DNAJB12: variants seen among roughly 807,000 people sequenced by gnomAD.
DNAJB12 encodes DnaJ heat shock protein family (Hsp40) member B12, also known as dnaJ homolog subfamily B member 12.
DNAJB12 carries 14 observed loss-of-function variants against 40.6 expected under a neutral mutation model. The observed-to-expected ratio is 0.34, with a 90% CI of 0.23 to 0.54. The LOEUF (loss-of-function observed/expected upper bound fraction) is 0.54, where lower values mean the gene tolerates loss of function less well. Among genes scored for constraint, DNAJB12 ranks in the 20% least tolerant of loss-of-function variants. The pLI is 0.92. For synonymous variants in DNAJB12, 181 were observed against 199.5 expected (o/e 0.91, Z 0.78); for missense variants, 444 against 501.7 (o/e 0.89, Z 1.10).
In DNAJB12 at chr10:72,335,441, C is replaced by A; in HGVS notation, c.*30+339G>T. The A allele has an allele frequency of 2.8e-6, 3 of 1,085,010 alleles. No homozygotes were observed. The highest frequency in any genetic ancestry group is 3.4e-6 in the Non-Finnish European group (3 of 887,526). The allele number at this position is 1,085,010 out of a possible 1,614,324, so 67.2% of individuals were successfully genotyped here. A position where few individuals can be genotyped will look rare whatever the true frequency, so the allele number is the denominator to read the frequency against. On this transcript the variant is annotated intron_variant, in intron 8 of 8. Transcript: ENST00000444643. The surrounding 1 kb of genome is among the most constrained non-coding windows in gnomAD (Gnocchi z 4.4). Reference sequence around the variant, plus strand: ...TAGTCTGCTGTGCTGGAGAAAGGGCCGTGCTGACTGATGGCTGGAGTGGAC... The same window carrying A: ...TAGTCTGCTGTGCTGGAGAAAGGGCAGTGCTGACTGATGGCTGGAGTGGAC...
intron 7 of DNAJB12, 120 bp from the exon 8 acceptor site, chr10:72,336,051 T>C (rs1861466152): frequency 7.8e-7 from 1 of 1,280,296 alleles, no homozygotes; most frequent in Admixed American, 2.0e-5. Flanking sequence ...TGGGCAGGGC[T>C]GGCCTCCCAT....
At position 72,340,831 on chromosome 10, in the gene DNAJB12, A is replaced by G. The variant is rs1229200776; in HGVS notation, c.681T>C (p.Tyr227=). Residue 227 remains tyrosine (Y), a synonymous_variant, in exon 5 of 9, where the codon TAT becomes TAC. Coordinates refer to ENST00000444643, the MANE Select transcript of DNAJB12 (RefSeq NM_017626.7). ...TGCGGTCCTGCCTTTGCTGGTAGGT[A>G]TAGCGCATGCGGCCGTTGCTGTAGA... is the stretch of plus-strand genomic sequence containing the variant. ...VHVYSNGRMR[Y]TYQQRQDRRD... is the part of the protein sequence containing the mutation. The G allele has an allele frequency of 3.1e-6, 5 of 1,614,140 alleles. No homozygotes were observed. The East Asian group carries it at 1.1e-4, about 36-fold the overall frequency.
Position 72,335,600 on chromosome 10 carries a change from G to C in DNAJB12, c.*30+180C>G. On this transcript the variant is annotated intron_variant, in intron 8 of 8. Coordinates refer to ENST00000444643, the MANE Select transcript of DNAJB12 (RefSeq NM_017626.7). This position sits in a 1 kb window ranked among gnomAD's most constrained non-coding sequence, Gnocchi z 4.4. ...ACAGCATCGCTAGAGGGCGGAAACC[G>C]ACCTTGGTTTCCCAGCAGGCCCCAC... 7.2e-7 allele frequency: 1 copy of C among 1,388,356 alleles called. No individual in the cohort carries two copies. Among genetic ancestry groups the C allele is most frequent in the Admixed American group, 3.1e-5 (1 of 32,582 alleles). 86.0% of individuals were successfully genotyped at this position (1,388,356 alleles called of 1,614,324 possible). A position where few individuals can be genotyped will look rare whatever the true frequency, so the allele number is the denominator to read the frequency against.
At chr10:72,341,300 C>A (rs1861633702) in intron 3 of DNAJB12, 130 bp from the exon 4 acceptor site, 10 of 887,326 alleles carry the variant, frequency 1.1e-5, no homozygotes, top group African/African-American at 3.4e-5. Flanking sequence ...TTGGGGTGGG[C>A]AGGAAGCTTG....
chr10:72,340,657 T>C (rs922692602), intron 5 of DNAJB12, 132 bp downstream of exon 5: 1 of 912,006 alleles, frequency 1.1e-6, no homozygotes, highest in Non-Finnish European at 1.7e-6. Flanking sequence ...AGAGGGCTCC[T>C]TGGCTGAGAG....
At chr10:72,339,420 GCTAC>G (rs1861568394) in intron 5 of DNAJB12, among the ~76,000 whole-genome samples, 1 of 151,928 alleles carries the variant, frequency 6.6e-6, no homozygotes, top group Non-Finnish European at 1.5e-5. Flanking sequence ...TGTACTCCCA[GCTAC>G]GTAGGAGCCT....
Position 72,335,254 on chromosome 10 carries a change from C to T in DNAJB12, c.*30+526G>A, listed in dbSNP as rs150412257. On this transcript the variant is annotated intron_variant, in intron 8 of 8. Transcript: ENST00000444643. The surrounding 1 kb of genome is among the most constrained non-coding windows in gnomAD (Gnocchi z 4.4). Reference sequence around the variant, plus strand: ...CCCACCCACCTCGTGGCTGCCTGTTCATCTTGCTCCATTTCCTCCTAGCTG... The same window carrying T: ...CCCACCCACCTCGTGGCTGCCTGTTTATCTTGCTCCATTTCCTCCTAGCTG... 9 of 986,812 alleles carry T rather than the reference C, an allele frequency of 9.1e-6. No homozygotes were observed. In the African/African-American group the frequency reaches 1.6e-4, roughly 17 times the overall value. 61.1% of individuals were successfully genotyped at this position (986,812 alleles called of 1,614,324 possible). A position where few individuals can be genotyped will look rare whatever the true frequency, so the allele number is the denominator to read the frequency against.
intron 1 of DNAJB12, chr10:72,354,529 C>T: frequency 1.9e-6 from 1 of 513,408 alleles, no homozygotes; most frequent in Non-Finnish European, 3.4e-6. Context: ...CCCCAGCGGG[C>T]TCCGCCAGCA....
At position 72,345,193 on chromosome 10, in the gene DNAJB12, C is replaced by T. The variant is rs1861753242; in HGVS notation, c.134-66G>A. On this transcript the variant is annotated intron_variant, in intron 1 of 8. Coordinates refer to ENST00000444643, the MANE Select transcript of DNAJB12 (RefSeq NM_017626.7). ...CAGGCTGCGTGCCTCGCCGAGCGGC[C>T]CGCTGCTTCCCACTCACTTCCCCTC... 7.1e-6 allele frequency: 11 copies of T among 1,539,116 alleles called. No individual in the cohort carries two copies. The South Asian group carries it at 8.8e-5, about 12-fold the overall frequency.
At chr10:72,354,720 C>A (rs758947136) in intron 1 of DNAJB12, 45 bp downstream of exon 1, 15 of 1,532,418 alleles carry the variant, frequency 9.8e-6, no homozygotes, top group South Asian at 2.3e-5. Flanking sequence ...CGTGTTCCCC[C>A]CATCAGTTCT....
intron 1 of DNAJB12, among the ~76,000 whole-genome samples, chr10:72,348,165 T>C (rs1028134665): frequency 6.6e-6 from 1 of 151,978 alleles, no homozygotes; most frequent in Non-Finnish European, 1.5e-5. Flanking sequence ...GAGGTTGCAG[T>C]GAACTGAGAT....
intron 1 of DNAJB12, chr10:72,353,238 A>G (rs1250018903): frequency 1.3e-5 from 2 of 152,234 alleles, no homozygotes; most frequent in Admixed American, 6.5e-5. Flanking sequence ...CCTGCTCCTG[A>G]GCCCGCAGCA....
At chr10:72,345,325 G>C (rs1305089796) in intron 1 of DNAJB12, among the ~76,000 whole-genome samples, 198 bp from the exon 2 acceptor site, 3 of 152,202 alleles carry the variant, frequency 2.0e-5, no homozygotes, top group African/African-American at 7.2e-5. Flanking sequence ...GGACAGGCCG[G>C]ACGTGGTGGT....
In DNAJB12 at chr10:72,335,659, T is replaced by C; in HGVS notation, c.*30+121A>G. On this transcript the variant is annotated intron_variant, in intron 8 of 8. Transcript: ENST00000444643. The surrounding 1 kb of genome is among the most constrained non-coding windows in gnomAD (Gnocchi z 4.4). ...GGTCTCTGGAGGCTGGAGGTCAGGCTGGGGACAGGAGTCTTTGCCACAATC... is the reference window on the plus strand; with the variant it reads ...GGTCTCTGGAGGCTGGAGGTCAGGCCGGGGACAGGAGTCTTTGCCACAATC... The C allele has an allele frequency of 6.9e-7, 1 of 1,446,250 alleles. No individual in the cohort carries two copies. The highest frequency in any genetic ancestry group is 9.1e-7 in the Non-Finnish European group (1 of 1,100,874). The allele number at this position is 1,446,250 out of a possible 1,614,324, so 89.6% of individuals were successfully genotyped here. A position where few individuals can be genotyped will look rare whatever the true frequency, so the allele number is the denominator to read the frequency against.
chr10:72,339,857 C>G (rs1204412761), intron 5 of DNAJB12, among the ~76,000 whole-genome samples: 1 of 151,776 alleles, frequency 6.6e-6, no homozygotes, highest in African/African-American at 2.4e-5. Flanking sequence ...ATTAAAGGCG[C>G]CTGCCACTAC....
chr10:72,354,868 G>T lies in DNAJB12; in HGVS notation c.30C>A (p.Arg10=), dbSNP rs1448363695. Residue 10 remains arginine, a synonymous_variant, in exon 1 of 9, where the codon CGC becomes CGA. Coordinates refer to ENST00000444643, the MANE Select transcript of DNAJB12 (RefSeq NM_017626.7). ...TGGCCTTGAGGGCGATGCTGATACA[G>T]CGCTCAGCTTCATCCTTGTTGGATT... The part of the protein sequence containing the change: MESNKDEAE[R]CISIALKAIQ... 1 of 1,614,118 alleles carries T rather than the reference G, an allele frequency of 6.2e-7. No homozygotes were observed. The highest frequency in any genetic ancestry group is 8.5e-7 in the Non-Finnish European group (1 of 1,179,962).
chr10:72,344,889 T>C, intron 2 of DNAJB12, 61 bp downstream of exon 2: 1 of 1,594,460 alleles, frequency 6.3e-7, no homozygotes, highest in Non-Finnish European at 8.6e-7. Context: ...GAGGACATGC[T>C]CCAGGAAGCC....
At chr10:72,344,888 C>T (rs1861738565) in intron 2 of DNAJB12, 62 bp downstream of exon 2, 3 of 1,592,770 alleles carry the variant, frequency 1.9e-6, no homozygotes, top group Middle Eastern at 1.7e-4. Context: ...GGAGGACATG[C>T]TCCAGGAAGC....
At position 72,335,878 on chromosome 10, in the gene DNAJB12, T is replaced by C; in HGVS notation, c.1060A>G (p.Arg354Gly). The change falls in exon 8 of 9, where the codon AGA becomes GGA. Residue 354 changes from arginine (R) to glycine (G), a missense_variant. Transcript: ENST00000444643. The surrounding 1 kb of genome is among the most constrained non-coding windows in gnomAD (Gnocchi z 4.4). Reference protein sequence around the residue: ...RYFGDTDMYHRAQKMGTPSCS... With the variant: ...RYFGDTDMYHGAQKMGTPSCS... The stretch of plus-strand genomic sequence containing the variant: ...CTGGGGGTGCCCATCTTCTGTGCTC[T>C]GTGGTACATATCTGTGTCGCCAAAG... The C allele has an allele frequency of 1.2e-6, 2 of 1,614,196 alleles. No homozygotes were observed. The highest frequency in any genetic ancestry group is 1.7e-6 in the Non-Finnish European group (2 of 1,180,022).
Sources: allele counts gnomAD v4.1 joint callset (sites outside exome capture counted in the v4.1 genomes callset), GRCh38; gene constraint gnomAD v4.1.1; non-coding constraint Gnocchi (gnomAD v3.1); transcripts MANE v1.5; gene names NCBI Gene and HGNC (gene_info 2026-07-23, HGNC 2026-07-21).